The following ZHX3 variants were observed in gnomAD, a reference collection of about 807,000 sequenced individuals.
ZHX3 encodes zinc fingers and homeoboxes protein 3.
ZHX3 carries 20 observed loss-of-function variants against 64.5 expected under a neutral mutation model. The ratio of observed to expected loss-of-function variants is 0.31; its 90% CI spans 0.22 to 0.45. The LOEUF is 0.45. ZHX3 is among the 20% of genes least tolerant of loss of function. The pLI, the probability that ZHX3 is intolerant of heterozygous loss-of-function variation, is 1.00. For synonymous variants in ZHX3, 423 were observed against 461.6 expected, an observed-to-expected ratio of 0.92 and a Z score of 1.07; for missense variants, 1,041 against 1,195.8, an observed-to-expected ratio of 0.87 and a Z score of 1.91.
At chr20:41,265,924 T>C (rs746214670) in intron 2 of ZHX3, among the ~76,000 whole-genome samples, 6 of 152,242 alleles carry the variant, frequency 3.9e-5, no homozygotes, top group Middle Eastern at 3.4e-3. Context: ...GGCAAAAAGG[T>C]GGGCAGTTAA....
intron 2 of ZHX3, among the ~76,000 whole-genome samples, chr20:41,218,998 C>T (rs184124757): frequency 1.7e-4 from 24 of 144,100 alleles, no homozygotes; most frequent in Non-Finnish European, 2.2e-4. Context: ...GGCGCGATCT[C>T]GGCTCACTGC....
At chr20:41,251,269 G>C (rs927821577) in intron 2 of ZHX3, among the ~76,000 whole-genome samples, 6 of 152,002 alleles carry the variant, frequency 3.9e-5, no homozygotes, top group Non-Finnish European at 5.9e-5. Flanking sequence ...AACATAGCAA[G>C]ACTCTGTGTC....
At chr20:41,209,712 T>TTA (rs1164477326) in intron 2 of ZHX3, among the ~76,000 whole-genome samples, 2 of 152,220 alleles carry the variant, frequency 1.3e-5, no homozygotes, top group Non-Finnish European at 2.9e-5. Context: ...GATTAAAGAC[T>TTA]TAAATGTTAG....
intron 1 of ZHX3, among the ~76,000 whole-genome samples, chr20:41,307,338 TG>T (rs1462837569): frequency 6.6e-6 from 1 of 152,224 alleles, no homozygotes; most frequent in African/African-American, 2.4e-5. Context: ...CCTGTTAACC[TG>T]GCAGACTATT....
rs751307556 is a variant in ZHX3 at position 41,202,813 on chromosome 20, C to G, written c.2104G>C (p.Val702Leu). Residue 702 changes from valine (V) to leucine (L), a missense_variant, in exon 3 of 4, where the codon GTC becomes CTC. Around this residue, in one of 4 missense-constraint regions of ZHX3, gnomAD observed 649 missense variants for 739.8 expected, o/e 0.88. Transcript: ENST00000683867. This position sits in a 1 kb window ranked among gnomAD's most constrained non-coding sequence, Gnocchi z 7.0. ...TCCAGAGAGCCATTTTCACCAGAGA[C>G]CCTTAGCTCACTGGCCAAATCCTCT... is the stretch of plus-strand genomic sequence containing the variant. Reference protein sequence around the residue: ...GEEDLASELRVSGENGSLEMP... With the variant: ...GEEDLASELRLSGENGSLEMP... The G allele has an allele frequency of 6.2e-7, 1 of 1,614,156 alleles. No individual in the cohort carries two copies. The highest frequency in any genetic ancestry group is 1.1e-5 in the South Asian group (1 of 91,074).
chr20:41,245,859 T>G (rs963044145), intron 2 of ZHX3, among the ~76,000 whole-genome samples: 2 of 152,204 alleles, frequency 1.3e-5, no homozygotes, highest in Non-Finnish European at 2.9e-5. Context: ...AAACACTCAT[T>G]ATTTCTGGTT....
chr20:41,279,549 C>T (rs910845920), intron 1 of ZHX3, among the ~76,000 whole-genome samples: 47 of 152,244 alleles, frequency 3.1e-4, no homozygotes, highest in African/African-American at 1.1e-3. Flanking sequence ...TATTTGAGGA[C>T]TTCTTGTTCA....
At position 41,229,658 on chromosome 20, in the gene ZHX3, A is replaced by G. The variant is rs538858571; in HGVS notation, c.-150-24592T>C. Among the ~76,000 whole-genome samples the G allele has an allele frequency of 3.3e-5, 5 of 152,174 alleles. No individual in the cohort carries two copies. The East Asian group carries it at 5.8e-4, about 18-fold the overall frequency. ...TTGATTTGTATTGCCTAATTATATT[A>G]ACGTTGAGTATTTTTAATGTGCTTA... On this transcript the variant is annotated intron_variant, in intron 2 of 3. Coordinates refer to ENST00000683867, the MANE Select transcript of ZHX3 (RefSeq NM_001384317.1).
intron 2 of ZHX3, among the ~76,000 whole-genome samples, chr20:41,227,540 T>C (rs2040348713): frequency 6.6e-6 from 1 of 152,222 alleles, no homozygotes; most frequent in Admixed American, 6.5e-5. Flanking sequence ...AGGAGAGTAC[T>C]GGGGAAGAGT....
At chr20:41,270,746 T>C (rs977580188) in intron 1 of ZHX3, among the ~76,000 whole-genome samples, 2 of 152,152 alleles carry the variant, frequency 1.3e-5, no homozygotes, top group African/African-American at 4.8e-5. Flanking sequence ...CAAATATAAC[T>C]GTGCAGTAAG....
At chr20:41,283,549 G>A (rs773794166) in intron 1 of ZHX3, among the ~76,000 whole-genome samples, 15 of 152,092 alleles carry the variant, frequency 9.9e-5, no homozygotes, top group Non-Finnish European at 1.9e-4. Flanking sequence ...ACGAGGTCAG[G>A]AGATCGAGAC....
Position 41,224,318 on chromosome 20 carries a change from C to G in ZHX3, c.-150-19252G>C, listed in dbSNP as rs571007852. On this transcript the variant is annotated intron_variant, in intron 2 of 3. Coordinates refer to ENST00000683867, the MANE Select transcript of ZHX3 (RefSeq NM_001384317.1). This position sits in a 1 kb window ranked among gnomAD's most constrained non-coding sequence, Gnocchi z 5.2. ...TAAATCAACTCTTTTTACTACATGA[C>G]GCATCAACTCTCTTTTCTATATATC... 6.6e-6 allele frequency among the ~76,000 whole-genome samples: 1 copy of G among 152,136 alleles called. No individual in the cohort carries two copies. Among genetic ancestry groups the G allele is most frequent in the Admixed American group, 6.5e-5 (1 of 15,278 alleles).
intron 2 of ZHX3, among the ~76,000 whole-genome samples, chr20:41,253,099 C>T (rs1249655059): frequency 6.6e-6 from 1 of 152,158 alleles, no homozygotes; most frequent in Non-Finnish European, 1.5e-5. Flanking sequence ...TTTAGTGCCC[C>T]CACCCTTGCC....
rs183612618 is a variant in ZHX3 at position 41,202,382 on chromosome 20, G to C, written c.2535C>G (p.Gly845=). ...FPPGLLVIAP[G]NRELLQDYYM... ...AATAGTCCTGCAGGAGCTCCCGGTT[G>C]CCAGGGGCAATGACCAGTAGCCCTG... The change falls in exon 3 of 4, where the codon GGC becomes GGG. Residue 845 remains glycine, a synonymous_variant. Coordinates refer to ENST00000683867, the MANE Select transcript of ZHX3 (RefSeq NM_001384317.1). The surrounding 1 kb of genome is among the most constrained non-coding windows in gnomAD (Gnocchi z 7.0). The C allele has an allele frequency of 6.2e-7, 1 of 1,614,182 alleles. No individual in the cohort carries two copies. The highest frequency in any genetic ancestry group is 2.2e-5 in the East Asian group (1 of 44,886).
At chr20:41,306,247 A>C (rs1208279955) in intron 1 of ZHX3, among the ~76,000 whole-genome samples, 2 of 152,220 alleles carry the variant, frequency 1.3e-5, no homozygotes, top group Non-Finnish European at 2.9e-5. Flanking sequence ...CATTCTTGTT[A>C]AAGAAGACAC....
Position 41,185,113 on chromosome 20 carries a change from CAG to C in ZHX3, c.*76_*77del, listed in dbSNP as rs759381748. The C allele has an allele frequency of 1.6e-5, 26 of 1,582,322 alleles. No individual in the cohort carries two copies. The East Asian group carries it at 3.0e-4, about 18-fold the overall frequency. On this transcript the variant is annotated 3_prime_UTR_variant, in exon 4 of 4. Coordinates refer to ENST00000683867, the MANE Select transcript of ZHX3 (RefSeq NM_001384317.1). This position sits in a 1 kb window ranked among gnomAD's most constrained non-coding sequence, Gnocchi z 5.0. ...CGGGCATGGGAACGGCATGTGGCAGCAGAGAGTCGGGTTTGGCTCTTCCACGT... is the reference window on the plus strand; with the variant it reads ...CGGGCATGGGAACGGCATGTGGCAGCAGAGTCGGGTTTGGCTCTTCCACGT...
intron 2 of ZHX3, among the ~76,000 whole-genome samples, chr20:41,256,642 C>A (rs1260437115): frequency 6.7e-6 from 1 of 148,920 alleles, no homozygotes; most frequent in African/African-American, 2.5e-5. Context: ...GTGTATCTAG[C>A]ATGCCCAGCC....
rs1568775640 is a variant in ZHX3, at chr20:41,184,985, C to T, written c.*206G>A. The T allele has an allele frequency of 6.5e-7, 1 of 1,550,100 alleles. No homozygotes were observed. ...TGTGGGAGGAAGAACTGATGAGAAC[C>T]CCATCTTGCTTGCTGCTTGCTTGGT... On this transcript the variant is annotated 3_prime_UTR_variant, in exon 4 of 4. Transcript: ENST00000683867.
At position 41,310,292 on chromosome 20, in the gene ZHX3, T is replaced by G. The variant is rs377543977; in HGVS notation, c.-245+7217A>C. 3.5e-4 allele frequency among the ~76,000 whole-genome samples: 54 copies of G among 152,312 alleles called. 1 individual carries two copies. In the East Asian group the frequency reaches 4.8e-3, roughly 14 times the overall value. On this transcript the variant is annotated intron_variant, in intron 1 of 3. Transcript: ENST00000683867. ...CTGCCTGGAGATCATGGACATTGTCTCAGGTTCATTACCCACTCTTCTTGA... is the reference window on the plus strand; with the variant it reads ...CTGCCTGGAGATCATGGACATTGTCGCAGGTTCATTACCCACTCTTCTTGA...
Sources: gnomAD v4.1 joint callset for allele counts (sites outside exome capture counted in the v4.1 genomes callset) on GRCh38, gnomAD v4.1.1 for gene constraint, gnomAD v4.1.1 regional missense constraint, Gnocchi (gnomAD v3.1) non-coding constraint, MANE v1.5 for transcripts, NCBI Gene and HGNC (gene_info 2026-07-23, HGNC 2026-07-21) for gene names.